PALM2AKAP2: variants seen among roughly 807,000 people sequenced by gnomAD.
PALM2AKAP2 encodes PALM2-AKAP2 fusion protein.
PALM2AKAP2 carries 37 observed loss-of-function variants against 71.5 expected under a neutral mutation model. The ratio of observed to expected loss-of-function variants is 0.52; its 90% CI spans 0.40 to 0.68. The LOEUF is 0.68. Ranked by LOEUF, PALM2AKAP2 falls within the 30% of genes least tolerant of loss-of-function variation. The pLI is 0.00. For missense variants in PALM2AKAP2, 1,224 were observed against 1,191.8 expected (o/e 1.03, Z -0.40); for synonymous variants, 468 against 478.8 (o/e 0.98, Z 0.29).
chr9:109,960,306 T>A lies in PALM2AKAP2; in HGVS notation c.496+28278T>A, dbSNP rs114744029. On this transcript the variant is annotated intron_variant, in intron 6 of 9. Coordinates refer to the PALM2AKAP2 transcript ENST00000302798. The stretch of plus-strand genomic sequence containing the variant: ...ATCAGCCCTCCTCTGCACACTGCAC[T>A]CCTGCTGTCTTTACCATACGGCTGA... Among the ~76,000 whole-genome samples the A allele has an allele frequency of 4.6e-3, 708 of 152,284 alleles. 4 individuals carry two copies. The highest frequency in any genetic ancestry group is 0.017 in the African/African-American group (688 of 41,562).
intron 3 of PALM2AKAP2, among the ~76,000 whole-genome samples, chr9:109,920,904 A>G (rs1830814814): frequency 6.6e-6 from 1 of 152,154 alleles, no homozygotes; most frequent in Non-Finnish European, 1.5e-5. Context: ...TACTCATTGA[A>G]TTAATTCAGT....
At chr9:109,839,367 A>G (rs1220300516) in intron 1 of PALM2AKAP2, among the ~76,000 whole-genome samples, 4 of 152,190 alleles carry the variant, frequency 2.6e-5, no homozygotes, top group Admixed American at 6.5e-5. Flanking sequence ...AATAAATTAG[A>G]TATTGATGGG....
chr9:109,984,896 C>T (rs949212735), intron 6 of PALM2AKAP2, among the ~76,000 whole-genome samples: 1 of 151,934 alleles, frequency 6.6e-6, no homozygotes, highest in Non-Finnish European at 1.5e-5. Flanking sequence ...TTAAAAAGGC[C>T]GGGCGTGGTG....
intron 6 of PALM2AKAP2, among the ~76,000 whole-genome samples, chr9:110,001,632 C>A (rs1040042016): frequency 5.9e-5 from 9 of 152,284 alleles, no homozygotes; most frequent in African/African-American, 2.2e-4. Flanking sequence ...GATATTGATT[C>A]TTCCTACCCA....
chr9:109,723,182 A>C (rs1202220850), intron 1 of PALM2AKAP2, among the ~76,000 whole-genome samples: 1 of 152,130 alleles, frequency 6.6e-6, no homozygotes, highest in African/African-American at 2.4e-5. Context: ...GAGCTGACAA[A>C]AGCTTCAAAC....
At chr9:110,023,993 G>A (rs1322525249) in intron 7 of PALM2AKAP2, among the ~76,000 whole-genome samples, 1 of 152,106 alleles carries the variant, frequency 6.6e-6, no homozygotes, top group Non-Finnish European at 1.5e-5. Context: ...AATTTTCATT[G>A]CATAATATCC....
chr9:109,996,124 T>A (rs1832570989), intron 6 of PALM2AKAP2, among the ~76,000 whole-genome samples: 2 of 152,208 alleles, frequency 1.3e-5, no homozygotes, highest in South Asian at 4.1e-4. Context: ...GTTTAATACA[T>A]CTCCTCTGGA....
At chr9:109,759,298 T>C (rs1205969490) in intron 1 of PALM2AKAP2, among the ~76,000 whole-genome samples, 1 of 152,094 alleles carries the variant, frequency 6.6e-6, no homozygotes, top group East Asian at 1.9e-4. Context: ...TCCTCATTTC[T>C]TCATTGCACA....
intron 1 of PALM2AKAP2, among the ~76,000 whole-genome samples, chr9:110,114,854 C>T (rs1030276129): frequency 5.9e-5 from 9 of 152,170 alleles, no homozygotes; most frequent in Middle Eastern, 3.2e-3. Flanking sequence ...CTCAACCATC[C>T]GGCTGTGCTC....
chr9:109,973,847 C>G (rs1832118565), intron 6 of PALM2AKAP2, among the ~76,000 whole-genome samples: 1 of 152,194 alleles, frequency 6.6e-6, no homozygotes, highest in Non-Finnish European at 1.5e-5. Context: ...AAGCCAGTAC[C>G]AATGGTATAT....
intron 1 of PALM2AKAP2, among the ~76,000 whole-genome samples, chr9:109,787,160 C>T (rs970373803): frequency 2.0e-5 from 3 of 152,142 alleles, no homozygotes; most frequent in Admixed American, 6.5e-5. Context: ...CTGGCCTTTC[C>T]GTTGGTATCT....
At chr9:109,670,418 C>A (rs1827556471) in intron 1 of PALM2AKAP2, among the ~76,000 whole-genome samples, 1 of 152,152 alleles carries the variant, frequency 6.6e-6, no homozygotes, top group Admixed American at 6.5e-5. Flanking sequence ...TGGCCTTCAG[C>A]TCCATCCATG....
intron 7 of PALM2AKAP2, among the ~76,000 whole-genome samples, chr9:110,035,815 A>G (rs1833395580): frequency 2.1e-5 from 3 of 145,534 alleles, no homozygotes; most frequent in African/African-American, 7.5e-5. Context: ...TATGTAACAT[A>G]TATATGATAT....
chr9:110,085,327 A>G (rs1322829334), intron 1 of PALM2AKAP2, among the ~76,000 whole-genome samples: 2 of 152,248 alleles, frequency 1.3e-5, no homozygotes, highest in African/African-American at 4.8e-5. Flanking sequence ...TGAAGGGGTA[A>G]GTTGAAAAAG....
At chr9:109,757,374 C>T (rs1165543581) in intron 1 of PALM2AKAP2, among the ~76,000 whole-genome samples, 2 of 152,090 alleles carry the variant, frequency 1.3e-5, no homozygotes, top group Admixed American at 6.6e-5. Flanking sequence ...TATATAATAA[C>T]CTTGTTTGAA....
At chr9:109,658,903 A>G (rs992893906) in intron 1 of PALM2AKAP2, among the ~76,000 whole-genome samples, 3 of 152,242 alleles carry the variant, frequency 2.0e-5, no homozygotes, top group Non-Finnish European at 4.4e-5. Flanking sequence ...ACTTATAAAT[A>G]AATATAGCAC....
Position 110,132,368 on chromosome 9 carries a change from T to C in PALM2AKAP2, c.157-3759T>C, listed in dbSNP as rs111785916. Among the ~76,000 whole-genome samples the C allele has an allele frequency of 2.4e-3, 357 of 151,794 alleles. 2 individuals carry two copies. The highest frequency in any genetic ancestry group is 8.2e-3 in the African/African-American group (339 of 41,414). On this transcript the variant is annotated intron_variant, in intron 1 of 3. Transcript: ENST00000374525. The stretch of plus-strand genomic sequence containing the variant: ...AGCCACCGTGCGGGCTTCTTTTTTT[T>C]TTTTCTTTTTGATACCAAGCCTCAC...
intron 6 of PALM2AKAP2, among the ~76,000 whole-genome samples, chr9:109,936,047 A>T (rs965512019): frequency 6.6e-6 from 1 of 152,140 alleles, no homozygotes; most frequent in Non-Finnish European, 1.5e-5. Context: ...AAAACAATTG[A>T]TTCACAGAAA....
At chr9:110,156,063 T>C (rs1836446954) in intron 2 of PALM2AKAP2, among the ~76,000 whole-genome samples, 1 of 152,220 alleles carries the variant, frequency 6.6e-6, no homozygotes, top group South Asian at 2.1e-4. Context: ...CAACATATAT[T>C]TGCAAAATGC....
Sources: allele counts gnomAD v4.1 joint callset (sites outside exome capture counted in the v4.1 genomes callset), GRCh38; gene constraint gnomAD v4.1.1; transcripts MANE v1.5; gene names NCBI Gene and HGNC (gene_info 2026-07-23, HGNC 2026-07-21).